The following NKX2-2 variants were observed in gnomAD, a reference collection of about 807,000 sequenced individuals.
NKX2-2 encodes the protein homeobox protein Nkx-2.2.
A neutral mutation model predicts 24.6 loss-of-function variants in NKX2-2; 8 were observed. The ratio of observed to expected loss-of-function variants is 0.32; its 90% CI spans 0.19 to 0.59. The LOEUF is 0.59. Ranked by LOEUF, NKX2-2 falls within the 20% of genes least tolerant of loss-of-function variation. The pLI is 0.86. For missense variants in NKX2-2, 381 were observed against 373.9 expected (o/e 1.02, Z -0.16); for synonymous variants, 217 against 173.3 (o/e 1.25, Z -1.98).
upstream of NKX2-2, among the ~76,000 whole-genome samples, chr20:21,518,784 G>A (rs1227933085): frequency 1.3e-5 from 2 of 152,208 alleles, no homozygotes; most frequent in African/African-American, 2.4e-5. Flanking sequence ...GGCAAGAAAG[G>A]AAGATACAGG....
intron 1 of NKX2-2, 134 bp from the exon 2 acceptor site, chr20:21,512,619 C>A: frequency 1.5e-6 from 1 of 681,824 alleles, no homozygotes; most frequent in Non-Finnish European, 2.4e-6. Flanking sequence ...GCTGCCTTTG[C>A]CATGACCCCT....
rs761638326 is a variant in NKX2-2 at position 21,513,595 on chromosome 20, C to A, written c.75G>T (p.Glu25Asp). 7 of 1,613,350 alleles carry A rather than the reference C, an allele frequency of 4.3e-6. No individual in the cohort carries two copies. Among genetic ancestry groups the A allele is most frequent in the Non-Finnish European group, 5.9e-6 (7 of 1,179,704 alleles). ...CCTCCGGACCTTCGGCCACAGAGCC[C>A]TCCTCATCGTTGGTGTCCGGCAGGT... ...ILDLPDTNDEEGSVAEGPEEE... is the reference protein window; with the variant it reads ...ILDLPDTNDEDGSVAEGPEEE... Residue 25 changes from glutamate (E) to aspartate (D), a missense_variant, in exon 1 of 2, where the codon GAG (glutamate) becomes GAT (aspartate). Transcript: ENST00000377142. This position sits in a 1 kb window ranked among gnomAD's most constrained non-coding sequence, Gnocchi z 4.6.
At chr20:21,518,649 C>A (rs1251552323), upstream of NKX2-2, among the ~76,000 whole-genome samples, 5 of 152,244 alleles carry the variant, frequency 3.3e-5, no homozygotes, top group Admixed American at 6.5e-5. Context: ...CAAACACGAG[C>A]GCCTTTTCTG....
chr20:21,516,873 G>A (rs1980653843), upstream of NKX2-2, among the ~76,000 whole-genome samples: 1 of 152,110 alleles, frequency 6.6e-6, no homozygotes, highest in South Asian at 2.1e-4. Context: ...TCTTCAGCTG[G>A]GAACCACCTC....
chr20:21,512,794 G>A lies in NKX2-2; in HGVS notation c.260-309C>T, dbSNP rs1462133299. ...ATCATCGCGGGTTAAGGGCTCCGGC[G>A]CCCTTAAGCGGTTTCCTCTCCGGCG... On this transcript the variant is annotated intron_variant, in intron 1 of 1. Transcript: ENST00000377142. 2.0e-5 allele frequency among the ~76,000 whole-genome samples: 3 copies of A among 152,180 alleles called. No individual in the cohort carries two copies. The East Asian group carries it at 5.8e-4, about 29-fold the overall frequency.
In NKX2-2 at chr20:21,513,593, C is replaced by A; in HGVS notation, c.77G>T (p.Gly26Val). The A allele has an allele frequency of 6.2e-7, 1 of 1,613,412 alleles. No individual in the cohort carries two copies. The highest frequency in any genetic ancestry group is 8.5e-7 in the Non-Finnish European group (1 of 1,179,662). Residue 26 changes from glycine (G) to valine (V), a missense_variant, in exon 1 of 2, where the codon GGC becomes GTC. Coordinates refer to ENST00000377142, the MANE Select transcript of NKX2-2 (RefSeq NM_002509.4). The surrounding 1 kb of genome is among the most constrained non-coding windows in gnomAD (Gnocchi z 4.6). ...LDLPDTNDEE[G>V]SVAEGPEEEN... ...TTCCTCCGGACCTTCGGCCACAGAG[C>A]CCTCCTCATCGTTGGTGTCCGGCAG...
chr20:21,512,404 T>C lies in NKX2-2; in HGVS notation c.341A>G (p.Asn114Ser). 6.3e-7 allele frequency: 1 copy of C among 1,599,062 alleles called. No homozygotes were observed. Among genetic ancestry groups the C allele is most frequent in the Non-Finnish European group, 8.5e-7 (1 of 1,175,806 alleles). Reference sequence around the variant, plus strand: ...CCCGCCGCCCGGGGTCTCCTTGTCATTGTCCGGTGACTCGTCGGCCGAGGG... The same window carrying C: ...CCCGCCGCCCGGGGTCTCCTTGTCACTGTCCGGTGACTCGTCGGCCGAGGG... ...PEPSADESPD[N>S]DKETPGGGGD... is the part of the protein sequence containing the mutation. Residue 114 changes from asparagine to serine, a missense_variant, in exon 2 of 2, where the codon AAT becomes AGT. Physicochemically the swap from Asn to Ser is conservative, Grantham distance 46. Around this residue, in one of 3 missense-constraint regions of NKX2-2, gnomAD observed 206 missense variants for 173.1 expected, o/e 1.19. Coordinates refer to ENST00000377142, the MANE Select transcript of NKX2-2 (RefSeq NM_002509.4).
upstream of NKX2-2, among the ~76,000 whole-genome samples, chr20:21,515,895 C>G (rs929132012): frequency 6.6e-6 from 1 of 152,228 alleles, no homozygotes; most frequent in African/African-American, 2.4e-5. Flanking sequence ...GCAGCCCTAG[C>G]TGCCTCGCCC....
chr20:21,512,304 A>G lies in NKX2-2; in HGVS notation c.441T>C (p.Phe147=). The change falls in exon 2 of 2, where the codon TTT becomes TTC. Residue 147 remains phenylalanine (F), a synonymous_variant. Coordinates refer to ENST00000377142, the MANE Select transcript of NKX2-2 (RefSeq NM_002509.4). Reference sequence around the variant, plus strand: ...GCGCCGACAGGTACCGCTGCTGCCGAAAGCGCCGCTCCAGCTCGTAGGTCT... The same window carrying G: ...GCGCCGACAGGTACCGCTGCTGCCGGAAGCGCCGCTCCAGCTCGTAGGTCT... The part of the protein sequence containing the change: ...KAQTYELERR[F]RQQRYLSAPE... 6.2e-7 allele frequency: 1 copy of G among 1,613,590 alleles called. No homozygotes were observed. The highest frequency in any genetic ancestry group is 8.5e-7 in the Non-Finnish European group (1 of 1,179,892).
At chr20:21,517,655 C>A (rs1218689056), upstream of NKX2-2, among the ~76,000 whole-genome samples, 1 of 152,214 alleles carries the variant, frequency 6.6e-6, no homozygotes, top group African/African-American at 2.4e-5. Context: ...CAGGGCAAGT[C>A]CGGTGCCCAG....
the NKX2-2 span, among the ~76,000 whole-genome samples, chr20:21,519,283 C>T: frequency 1.3e-5 from 2 of 152,204 alleles, no homozygotes; most frequent in East Asian, 3.8e-4. Context: ...CTCAGGCCCT[C>T]GCACATCCCA....
rs975928978 is a variant in NKX2-2 at position 21,511,680 on chromosome 20, G to T, written c.*243C>A. 18 of 399,974 alleles carry T rather than the reference G, an allele frequency of 4.5e-5. No homozygotes were observed. The highest frequency in any genetic ancestry group is 3.7e-4 in the African/African-American group (18 of 48,480). 24.8% of individuals were successfully genotyped at this position (399,974 alleles called of 1,614,324 possible). A position where few individuals can be genotyped will look rare whatever the true frequency, so the allele number is the denominator to read the frequency against. On this transcript the variant is annotated 3_prime_UTR_variant, in exon 2 of 2. Transcript: ENST00000377142. The stretch of plus-strand genomic sequence containing the variant: ...AAACATTCTGTAAACACGGCGTAGA[G>T]TTCAGCCCTCTCCCAAGGTTCAGAA...
At chr20:21,521,829 C>A in the NKX2-2 span, among the ~76,000 whole-genome samples, 2 of 151,780 alleles carry the variant, frequency 1.3e-5, no homozygotes, top group Non-Finnish European at 2.9e-5. Flanking sequence ...ACTCCCGGAG[C>A]TGCGGCGACA....
upstream of NKX2-2, among the ~76,000 whole-genome samples, chr20:21,515,539 C>A (rs140755628): frequency 3.7e-3 from 555 of 151,210 alleles, no homozygotes; most frequent in Middle Eastern, 0.024. Context: ...CTCCTCGGCG[C>A]TGGGGTTGGA....
At chr20:21,516,551 G>A (rs1036396473), upstream of NKX2-2, among the ~76,000 whole-genome samples, 1 of 151,908 alleles carries the variant, frequency 6.6e-6, no homozygotes, top group Admixed American at 6.5e-5. Context: ...GCGGGAGTGG[G>A]CCTGCCACTG....
Position 21,513,620 on chromosome 20 carries a change from T to C in NKX2-2, c.50A>G (p.Asp17Gly). 1 of 1,609,548 alleles carries C rather than the reference T, an allele frequency of 6.2e-7. No homozygotes were observed. The highest frequency in any genetic ancestry group is 8.5e-7 in the Non-Finnish European group (1 of 1,178,302). The change falls in exon 1 of 2, where the codon GAC becomes GGC. Residue 17 changes from aspartate to glycine, a missense_variant. Asp to Gly is a moderately conservative substitution (Grantham distance 94). This residue lies in a region of NKX2-2 where 206 missense variants were observed against 173.1 expected (regional missense o/e 1.19). Coordinates refer to ENST00000377142, the MANE Select transcript of NKX2-2 (RefSeq NM_002509.4). The surrounding 1 kb of genome is among the most constrained non-coding windows in gnomAD (Gnocchi z 4.6). ...CTCCTCATCGTTGGTGTCCGGCAGG[T>C]CTAAGATGTCCTTGACCGAAAACCC... ...KTGFSVKDIL[D>G]LPDTNDEEGS...
In NKX2-2 at chr20:21,511,227, A is replaced by G. The variant is rs1232981832; in HGVS notation, c.*696T>C. 1 of 152,708 alleles carries G rather than the reference A, an allele frequency of 6.5e-6. No individual in the cohort carries two copies. The highest frequency in any genetic ancestry group is 2.4e-5 in the African/African-American group (1 of 41,464). 9.5% of individuals were successfully genotyped at this position (152,708 alleles called of 1,614,324 possible). On this transcript the variant is annotated 3_prime_UTR_variant, in exon 2 of 2. Coordinates refer to ENST00000377142, the MANE Select transcript of NKX2-2 (RefSeq NM_002509.4). ...GTTTGCACAATAAAATAAAAAGAGAAAGGAAGAAAGCAGGGGAAAACGCAA... is the reference window on the plus strand; with the variant it reads ...GTTTGCACAATAAAATAAAAAGAGAGAGGAAGAAAGCAGGGGAAAACGCAA...
In NKX2-2 at chr20:21,512,749, G is replaced by A. The variant is rs111625848; in HGVS notation, c.260-264C>T. The stretch of plus-strand genomic sequence containing the variant: ...TCACATAGTGTGGGTGAGAATTTGG[G>A]GGGGGAAGTGGCACTGAAGATCATC... On this transcript the variant is annotated intron_variant, in intron 1 of 1. Transcript: ENST00000377142. 7.1e-3 allele frequency among the ~76,000 whole-genome samples: 1,084 copies of A among 152,286 alleles called. 22 individuals carry two copies. Among genetic ancestry groups the A allele is most frequent in the African/African-American group, 0.025 (1,052 of 41,568 alleles).
rs763256349 is a variant in NKX2-2 at position 21,513,525 on chromosome 20, C to G, written c.145G>C (p.Gly49Arg). 2.5e-6 allele frequency: 4 copies of G among 1,613,260 alleles called. No individual in the cohort carries two copies. The highest frequency in any genetic ancestry group is 2.5e-6 in the Non-Finnish European group (3 of 1,179,652). ...PEPAKRAGPL[G>R]QGALDAVQSL... ...TGCACCGCGTCCAGGGCGCCCTGCC[C>G]CAGCGGCCCGGCCCTCTTGGCTGGC... The change falls in exon 1 of 2, where the codon GGG (glycine) becomes CGG (arginine). Residue 49 changes from glycine to arginine, a missense_variant. By Grantham distance (125) the Gly-to-Arg change is moderately radical. Coordinates refer to ENST00000377142, the MANE Select transcript of NKX2-2 (RefSeq NM_002509.4). The surrounding 1 kb of genome is among the most constrained non-coding windows in gnomAD (Gnocchi z 4.6).
Sources: gnomAD v4.1 joint callset for allele counts (sites outside exome capture counted in the v4.1 genomes callset) on GRCh38, gnomAD v4.1.1 for gene constraint, gnomAD v4.1.1 regional missense constraint, Gnocchi (gnomAD v3.1) non-coding constraint, MANE v1.5 for transcripts, NCBI Gene and HGNC (gene_info 2026-07-23, HGNC 2026-07-21) for gene names.